Variants in HLF observed in about 807,000 individuals in gnomAD.
The protein encoded by HLF is HLF transcription factor, PAR bZIP family member.
In HLF, 3 loss-of-function variants were observed where a neutral mutation model predicts 22.6. The ratio of observed to expected loss-of-function variants is 0.13; its 90% CI spans 0.06 to 0.34. The LOEUF (loss-of-function observed/expected upper bound fraction) is 0.34, where lower values mean the gene tolerates loss of function less well. Ranked by LOEUF, HLF falls within the 10% of genes least tolerant of loss-of-function variation. HLF has a pLI of 1.00. For missense variants in HLF, 299 were observed against 389.2 expected (o/e 0.77, Z 1.95); for synonymous variants, 151 against 151.8 (o/e 0.99, Z 0.04).
intron 2 of HLF, among the ~76,000 whole-genome samples, chr17:55,301,007 A>G (rs1023565670): frequency 6.6e-6 from 1 of 152,172 alleles, no homozygotes; most frequent in African/African-American, 2.4e-5. Context: ...TCATATCTTC[A>G]TGCCTTCACA....
At chr17:55,318,339 G>A (rs1411474648) in intron 3 of HLF, among the ~76,000 whole-genome samples, 2 of 152,178 alleles carry the variant, frequency 1.3e-5, no homozygotes, top group Admixed American at 1.3e-4. Context: ...CCGGTTCCCA[G>A]CTCCCCTCCC....
At chr17:55,302,367 CAT>C (rs1904334979) in intron 2 of HLF, among the ~76,000 whole-genome samples, 1 of 152,206 alleles carries the variant, frequency 6.6e-6, no homozygotes, top group Non-Finnish European at 1.5e-5. Flanking sequence ...CTTAGAGACT[CAT>C]GCGGGAAAGA....
At chr17:55,277,693 T>G (rs2080918431) in intron 2 of HLF, among the ~76,000 whole-genome samples, 1 of 152,124 alleles carries the variant, frequency 6.6e-6, no homozygotes, top group South Asian at 2.1e-4. Context: ...TGAAGTGTGC[T>G]CTGATATCAA....
At chr17:55,295,339 G>T (rs1485442238) in intron 2 of HLF, among the ~76,000 whole-genome samples, 1 of 152,202 alleles carries the variant, frequency 6.6e-6, no homozygotes, top group Non-Finnish European at 1.5e-5. Context: ...ATATGCACCA[G>T]TAATTCACAG....
At chr17:55,297,331 G>C (rs564208119) in intron 2 of HLF, among the ~76,000 whole-genome samples, 17 of 152,260 alleles carry the variant, frequency 1.1e-4, no homozygotes, top group African/African-American at 4.1e-4. Context: ...TGTGGCCTCA[G>C]ATTTCATTAG....
intron 2 of HLF, among the ~76,000 whole-genome samples, chr17:55,281,530 A>G (rs1393559558): frequency 6.6e-6 from 1 of 152,116 alleles, no homozygotes; most frequent in Non-Finnish European, 1.5e-5. Flanking sequence ...AACAAACAAA[A>G]CAAAAAATAT....
intron 2 of HLF, among the ~76,000 whole-genome samples, chr17:55,305,088 G>C (rs192087725): frequency 1.8e-4 from 28 of 152,322 alleles, no homozygotes; most frequent in Middle Eastern, 3.4e-3. Context: ...CCTCCCCCAA[G>C]AAGTGACCTT....
intron 2 of HLF, among the ~76,000 whole-genome samples, chr17:55,307,342 A>G (rs149185843): frequency 6.7e-6 from 1 of 149,196 alleles, no homozygotes; most frequent in African/African-American, 2.5e-5. Flanking sequence ...TATTATTATT[A>G]TTTTTTAATA....
At chr17:55,266,067 C>G (rs1240689557) in intron 1 of HLF, among the ~76,000 whole-genome samples, 1 of 151,786 alleles carries the variant, frequency 6.6e-6, no homozygotes, top group Non-Finnish European at 1.5e-5. Context: ...GGTTGTGTTA[C>G]AGCTTCTGTT....
rs1255589714 is a variant in HLF, at chr17:55,265,262, C to T, written c.-223C>T. ...AGCCCGCGGGCACTTGGCGCGCTCT[C>T]CTGGGACCGTCTGCACTGGAAACCC... On this transcript the variant is annotated 5_prime_UTR_variant, in exon 1 of 4. Coordinates refer to ENST00000226067, the MANE Select transcript of HLF (RefSeq NM_002126.5). 6.7e-6 allele frequency: 3 copies of T among 449,490 alleles called. No homozygotes were observed. Among genetic ancestry groups the T allele is most frequent in the Non-Finnish European group, 1.2e-5 (3 of 259,056 alleles). The allele number at this position is 449,490 out of a possible 1,614,324, so 27.8% of individuals were successfully genotyped here. A position where few individuals can be genotyped will look rare whatever the true frequency, so the allele number is the denominator to read the frequency against.
At chr17:55,279,847 C>T (rs992898895) in intron 2 of HLF, among the ~76,000 whole-genome samples, 1 of 152,110 alleles carries the variant, frequency 6.6e-6, no homozygotes, top group African/African-American at 2.4e-5. Flanking sequence ...CCCCCCACCA[C>T]TCAATTTTCA....
chr17:55,282,733 T>C (rs1178439683), intron 2 of HLF, among the ~76,000 whole-genome samples: 1 of 152,220 alleles, frequency 6.6e-6, no homozygotes, highest in African/African-American at 2.4e-5. Flanking sequence ...AAGACTACTA[T>C]GTGCTGGAAG....
chr17:55,273,361 T>G (rs2080875152), intron 2 of HLF: 1 of 152,230 alleles, frequency 6.6e-6, no homozygotes. Context: ...GCTGTTATGG[T>G]GTCAGTGGCA....
chr17:55,273,197 T>C (rs2080873862), intron 2 of HLF: 1 of 152,236 alleles, frequency 6.6e-6, no homozygotes, highest in South Asian at 2.1e-4. Flanking sequence ...CGTGTAACTT[T>C]GTGTCAATTT....
chr17:55,314,504 C>T (rs1429210032), intron 2 of HLF, among the ~76,000 whole-genome samples: 2 of 152,218 alleles, frequency 1.3e-5, no homozygotes, highest in Non-Finnish European at 2.9e-5. Context: ...CAGCATCTCT[C>T]ACTGACATTT....
Position 55,284,420 on chromosome 17 carries a change from C to G in HLF, c.451+16334C>G, listed in dbSNP as rs570741055. 2.6e-5 allele frequency among the ~76,000 whole-genome samples: 4 copies of G among 152,296 alleles called. No individual in the cohort carries two copies. The East Asian group carries it at 7.7e-4, about 29-fold the overall frequency. The stretch of plus-strand genomic sequence containing the variant: ...CTGCTACTGCTGTTTCCTGTTGTTT[C>G]CAGTAACTGCACTTGAGCTCTGCAT... On this transcript the variant is annotated intron_variant, in intron 2 of 3. Coordinates refer to ENST00000226067, the MANE Select transcript of HLF (RefSeq NM_002126.5).
rs1905276974 is a variant in HLF, at chr17:55,321,986, G to C, written c.*1107G>C. 4.5e-6 allele frequency: 1 copy of C among 223,090 alleles called. No homozygotes were observed. The highest frequency in any genetic ancestry group is 2.2e-5 in the African/African-American group (1 of 44,694). The allele number at this position is 223,090 out of a possible 1,614,324, so 13.8% of individuals were successfully genotyped here. A position where few individuals can be genotyped will look rare whatever the true frequency, so the allele number is the denominator to read the frequency against. ...ACTTTTTGGTAATATATATATTTTT[G>C]TGAATTATACTTTGTTGTTTTTAAA... is the stretch of plus-strand genomic sequence containing the variant. On this transcript the variant is annotated 3_prime_UTR_variant, in exon 4 of 4. Transcript: ENST00000226067.
At chr17:55,293,007 A>G (rs933570991) in intron 2 of HLF, among the ~76,000 whole-genome samples, 1 of 152,186 alleles carries the variant, frequency 6.6e-6, no homozygotes, top group African/African-American at 2.4e-5. Flanking sequence ...GGGGGCTGGG[A>G]TGTGGGATTT....
At chr17:55,298,500 G>A (rs2081129258) in intron 2 of HLF, among the ~76,000 whole-genome samples, 1 of 152,154 alleles carries the variant, frequency 6.6e-6, no homozygotes, top group African/African-American at 2.4e-5. Context: ...TTTCTCCATA[G>A]ACTACATTAA....
Sources: allele counts gnomAD v4.1 joint callset (sites outside exome capture counted in the v4.1 genomes callset), GRCh38; gene constraint gnomAD v4.1.1; transcripts MANE v1.5; gene names NCBI Gene and HGNC (gene_info 2026-07-23, HGNC 2026-07-21).